COBLL1: variants seen among roughly 807,000 people sequenced by gnomAD.
The protein encoded by COBLL1 is cordon-bleu WH2 repeat protein like 1, also known as cordon-bleu protein-like 1.
A neutral mutation model predicts 94.8 loss-of-function variants in COBLL1; 50 were observed. The ratio of observed to expected loss-of-function variants is 0.53; its 90% CI spans 0.42 to 0.67. The LOEUF (loss-of-function observed/expected upper bound fraction) is 0.67. COBLL1 is among the 30% of genes least tolerant of loss of function. COBLL1 has a pLI of 0.00. For synonymous variants in COBLL1, 448 were observed against 473.8 expected, an observed-to-expected ratio of 0.95 and a Z score of 0.71; for missense variants, 1,362 against 1,348.7, an observed-to-expected ratio of 1.01 and a Z score of -0.15.
In COBLL1 at chr2:164,749,995, T is replaced by C. The variant is rs145935224; in HGVS notation, c.42-6120A>G. Among the ~76,000 whole-genome samples the C allele has an allele frequency of 5.5e-3, 838 of 152,272 alleles. 3 individuals carry two copies. Among genetic ancestry groups the C allele is most frequent in the Non-Finnish European group, 8.9e-3 (607 of 68,010 alleles). ...TCACTGCCACTCCTCAGTCTCCCCA[T>C]CCTCACCTCCTCTGATTTCTAAATG... On this transcript the variant is annotated intron_variant, in intron 2 of 13. Transcript: ENST00000652658.
intron 2 of COBLL1, among the ~76,000 whole-genome samples, chr2:164,759,727 A>G (rs1687590835): frequency 1.3e-5 from 2 of 152,342 alleles, no homozygotes; most frequent in South Asian, 2.1e-4. Flanking sequence ...GCAAGAAACA[A>G]TCCAGCCATG....
chr2:164,778,473 T>G (rs355891), intron 2 of COBLL1, among the ~76,000 whole-genome samples: 1 of 151,770 alleles, frequency 6.6e-6, no homozygotes, highest in South Asian at 2.1e-4. Flanking sequence ...GGTTGTGGCA[T>G]GTGCCTGTAG....
intron 2 of COBLL1, among the ~76,000 whole-genome samples, chr2:164,766,178 T>C (rs995364354): frequency 4.6e-5 from 7 of 152,250 alleles, no homozygotes; most frequent in African/African-American, 1.7e-4. Flanking sequence ...ACATTTTATT[T>C]ACCCATTCAC....
In COBLL1 at chr2:164,722,062, C is replaced by T. The variant is rs1685471150; in HGVS notation, c.996+13G>A. The T allele has an allele frequency of 6.5e-7, 1 of 1,540,616 alleles. No individual in the cohort carries two copies. Among genetic ancestry groups the T allele is most frequent in the African/African-American group, 1.4e-5 (1 of 71,930 alleles). On this transcript the variant is annotated intron_variant, in intron 7 of 13. Transcript: ENST00000652658. The stretch of plus-strand genomic sequence containing the variant: ...TCATCCAAAAAAACAAAATAGAAAA[C>T]AAAACTACACACCTTATCTGTCTCA...
At chr2:164,772,411 G>A (rs1174082033) in intron 2 of COBLL1, among the ~76,000 whole-genome samples, 1 of 151,922 alleles carries the variant, frequency 6.6e-6, no homozygotes, top group Non-Finnish European at 1.5e-5. Flanking sequence ...TACAGTCAAT[G>A]ATTCTATTGA....
intron 5 of COBLL1, 177 bp from the exon 6 acceptor site, chr2:164,722,699 C>A: frequency 2.8e-6 from 1 of 363,132 alleles, no homozygotes; most frequent in Non-Finnish European, 5.0e-6. Flanking sequence ...AAATATTGTT[C>A]CTATTTCACA....
chr2:164,769,795 C>T (rs140046172), intron 2 of COBLL1, among the ~76,000 whole-genome samples: 2 of 152,182 alleles, frequency 1.3e-5, no homozygotes, highest in South Asian at 4.2e-4. Flanking sequence ...ATATACCCCC[C>T]CCAGAGCAAG....
In COBLL1 at chr2:164,685,301, AAAAAC is replaced by A. The variant is rs1358897113; in HGVS notation, c.*640_*644del. On this transcript the variant is annotated 3_prime_UTR_variant, in exon 14 of 14. Coordinates refer to ENST00000652658, the MANE Select transcript of COBLL1 (RefSeq NM_001365672.2). ...GTAGAATTTAAGTTCTAAAGATTAA[AAAAAC>A]AAGAGTTCCATGTTAATAAAATATT... 1.3e-5 allele frequency: 2 copies of A among 152,188 alleles called. No individual in the cohort carries two copies. Among genetic ancestry groups the A allele is most frequent in the Admixed American group, 6.5e-5 (1 of 15,272 alleles). 9.4% of individuals were successfully genotyped at this position (152,188 alleles called of 1,614,324 possible).
intron 2 of COBLL1, among the ~76,000 whole-genome samples, chr2:164,659,734 G>A (rs1251327666): frequency 1.3e-5 from 2 of 152,186 alleles, no homozygotes; most frequent in Admixed American, 6.6e-5. Flanking sequence ...GGAATAAGGA[G>A]TGAGTAGCAG....
intron 6 of COBLL1, 54 bp from the exon 7 acceptor site, chr2:164,722,365 G>T: frequency 6.6e-7 from 1 of 1,507,132 alleles, no homozygotes; most frequent in Non-Finnish European, 9.0e-7. Flanking sequence ...TTAGTAAAAA[G>T]CATTAGTAAT....
At chr2:164,832,447 C>T (rs764998781) in intron 2 of COBLL1, among the ~76,000 whole-genome samples, 3 of 152,064 alleles carry the variant, frequency 2.0e-5, no homozygotes, top group African/African-American at 4.8e-5. Context: ...CCTTAGCATT[C>T]GATCCTATTT....
chr2:164,714,443 A>C (rs1386476832), intron 7 of COBLL1, among the ~76,000 whole-genome samples: 2 of 151,852 alleles, frequency 1.3e-5, no homozygotes, highest in Non-Finnish European at 2.9e-5. Context: ...AAGACAGGGA[A>C]TGGTGGTAAC....
At chr2:164,702,093 G>A (rs1220375505) in intron 9 of COBLL1, among the ~76,000 whole-genome samples, 1 of 151,762 alleles carries the variant, frequency 6.6e-6, no homozygotes, top group Non-Finnish European at 1.5e-5. Flanking sequence ...AATTTTAATG[G>A]TATTTTTATC....
At chr2:164,840,784 G>A (rs1683559152) in intron 2 of COBLL1, 2 of 194,620 alleles carry the variant, frequency 1.0e-5, no homozygotes, top group Non-Finnish European at 2.1e-5. Flanking sequence ...CCATGACCAA[G>A]GAAACTTTTG....
intron 2 of COBLL1, among the ~76,000 whole-genome samples, chr2:164,778,701 G>A (rs1397580959): frequency 1.3e-5 from 2 of 152,122 alleles, no homozygotes; most frequent in Non-Finnish European, 2.9e-5. Context: ...TGCATATGGA[G>A]ATATCATTAT....
rs549030440 is a variant in COBLL1, at chr2:164,823,929, G to GA, written c.41+17226dup. 1.3e-3 allele frequency among the ~76,000 whole-genome samples: 195 copies of GA among 152,134 alleles called. 1 individual carries two copies. Among genetic ancestry groups the GA allele is most frequent in the South Asian group, 3.5e-3 (17 of 4,822 alleles). On this transcript the variant is annotated intron_variant, in intron 2 of 13. Transcript: ENST00000652658. ...AGAAATGTTCAACAGGTGAAAGGTT[G>GA]AAAAAAATGCAGAACACACATACAC...
At chr2:164,796,725 A>AAAAAAAC (rs756287598) in intron 2 of COBLL1, among the ~76,000 whole-genome samples, 1 of 143,746 alleles carries the variant, frequency 7.0e-6, no homozygotes, top group Non-Finnish European at 1.5e-5. Flanking sequence ...AAAAAAAAAA[A>AAAAAAAC]AGGAGAGGGA....
Position 164,701,582 on chromosome 2 carries a change from T to TC in COBLL1, c.1226-827dup, listed in dbSNP as rs555089962. 3.3e-5 allele frequency among the ~76,000 whole-genome samples: 5 copies of TC among 152,344 alleles called. No homozygotes were observed. In the South Asian group the frequency reaches 1.0e-3, roughly 32 times the overall value. ...CATACTGTAGCCACCTAGCTTTTTT[T>TC]CCACTTACAATATCTTAAATATCAT... is the stretch of plus-strand genomic sequence containing the variant. On this transcript the variant is annotated intron_variant, in intron 9 of 13. Coordinates refer to ENST00000652658, the MANE Select transcript of COBLL1 (RefSeq NM_001365672.2).
At chr2:164,741,273 C>CA (rs1686579296) in intron 3 of COBLL1, among the ~76,000 whole-genome samples, 2 of 151,420 alleles carry the variant, frequency 1.3e-5, no homozygotes, top group East Asian at 1.9e-4. Flanking sequence ...AAGACTGTCT[C>CA]AAAAAACAAA....
Sources: gnomAD v4.1 joint callset for allele counts (sites outside exome capture counted in the v4.1 genomes callset) on GRCh38, gnomAD v4.1.1 for gene constraint, MANE v1.5 for transcripts, NCBI Gene and HGNC (gene_info 2026-07-23, HGNC 2026-07-21) for gene names.